PRKG1: variants seen among roughly 807,000 people sequenced by gnomAD.
The protein encoded by PRKG1 is protein kinase cGMP-dependent 1.
In PRKG1, 35 loss-of-function variants were observed where a neutral mutation model predicts 88.1. That is an observed-to-expected ratio of 0.40 (90% confidence interval 0.30 to 0.53). The LOEUF (loss-of-function observed/expected upper bound fraction) is 0.53. Ranked by LOEUF, PRKG1 falls within the 20% of genes least tolerant of loss-of-function variation. The pLI, the probability that PRKG1 is intolerant of heterozygous loss-of-function variation, is 0.59. For missense variants in PRKG1, 540 were observed against 839.8 expected, an observed-to-expected ratio of 0.64 and a Z score of 4.41; for synonymous variants, 303 against 292.5, an observed-to-expected ratio of 1.04 and a Z score of -0.37.
intron 1 of PRKG1, among the ~76,000 whole-genome samples, chr10:51,099,384 G>GACACACACAC (rs71459403): frequency 0.17 from 24,632 of 148,684 alleles, 2,108 homozygotes; most frequent in Admixed American, 0.2. Context: ...CAGCATTCAA[G>GACACACACAC]ACACACACAC....
At chr10:52,124,421 G>T (rs1847886256) in intron 7 of PRKG1, among the ~76,000 whole-genome samples, 1 of 152,114 alleles carries the variant, frequency 6.6e-6, no homozygotes, top group Non-Finnish European at 1.5e-5. Flanking sequence ...CATAGAAAAG[G>T]TAAAGCAAAA....
intron 5 of PRKG1, among the ~76,000 whole-genome samples, chr10:51,963,594 G>A (rs544422870): frequency 6.6e-6 from 1 of 152,002 alleles, no homozygotes; most frequent in African/African-American, 2.4e-5. Context: ...CCGAGTAGCT[G>A]GGACCACCAT....
chr10:52,225,951 C>A (rs1258651602), intron 9 of PRKG1, among the ~76,000 whole-genome samples: 1 of 151,756 alleles, frequency 6.6e-6, no homozygotes, highest in Non-Finnish European at 1.5e-5. Flanking sequence ...TTCTCCACAG[C>A]ACTTACCACA....
At chr10:51,620,266 C>G (rs1222590477) in intron 3 of PRKG1, among the ~76,000 whole-genome samples, 1 of 152,072 alleles carries the variant, frequency 6.6e-6, no homozygotes, top group East Asian at 1.9e-4. Flanking sequence ...AGGATTTCCC[C>G]TAGATTAACT....
intron 2 of PRKG1, among the ~76,000 whole-genome samples, chr10:51,250,154 C>T (rs1001500130): frequency 2.6e-5 from 4 of 151,660 alleles, no homozygotes; most frequent in African/African-American, 9.7e-5. Flanking sequence ...AGCCTTTTGG[C>T]AAAAGACCAA....
At chr10:52,150,761 A>G (rs1910534) in intron 8 of PRKG1, among the ~76,000 whole-genome samples, 105,412 of 152,020 alleles carry the variant, frequency 0.69, 37,116 homozygotes, top group Non-Finnish European at 0.76. Flanking sequence ...TAGATTTATT[A>G]TGCCATTTTA....
At chr10:51,016,673 C>CTTTTTTTTTTTTTTT (rs71029341) in intron 1 of PRKG1, among the ~76,000 whole-genome samples, 646 of 35,126 alleles carry the variant, frequency 0.018, 192 homozygotes, top group Admixed American at 0.025. Flanking sequence ...ATTATCCTTT[C>CTTTTTTTTTTTTTTT]TTTTTTTTTT....
rs1022041447 is a variant in PRKG1, at chr10:51,343,549, A to C, written c.479-124174A>C. On this transcript the variant is annotated intron_variant, in intron 2 of 17. Transcript: ENST00000373980. ...TTATTTGGTATAAAAAGCATATTTA[A>C]TAATATATAATAACATAATTTGGTA... Among the ~76,000 whole-genome samples the C allele has an allele frequency of 2.6e-5, 4 of 152,288 alleles. 1 individual carries two copies. The highest frequency in any genetic ancestry group is 2.1e-4 in the South Asian group (1 of 4,832).
intron 2 of PRKG1, among the ~76,000 whole-genome samples, chr10:51,436,584 T>A (rs1379043847): frequency 1.3e-5 from 2 of 151,890 alleles, no homozygotes; most frequent in African/African-American, 4.8e-5. Flanking sequence ...TCCTAATGAG[T>A]TCTTAAAAGG....
intron 8 of PRKG1, among the ~76,000 whole-genome samples, chr10:52,135,736 G>A (rs1054709301): frequency 6.6e-6 from 1 of 152,036 alleles, no homozygotes; most frequent in South Asian, 2.1e-4. Flanking sequence ...ATACAATATC[G>A]AACACTCAAG....
intron 1 of PRKG1, among the ~76,000 whole-genome samples, chr10:51,032,805 T>C (rs1443703154): frequency 2.0e-5 from 3 of 152,150 alleles, no homozygotes; most frequent in Non-Finnish European, 4.4e-5. Flanking sequence ...TGTGTGCATA[T>C]GTGTGTTTAT....
At chr10:51,592,948 T>G (rs1001941971) in intron 3 of PRKG1, among the ~76,000 whole-genome samples, 1 of 152,226 alleles carries the variant, frequency 6.6e-6, no homozygotes, top group African/African-American at 2.4e-5. Flanking sequence ...TTCTAAACTG[T>G]GATGGCTTTG....
intron 9 of PRKG1, among the ~76,000 whole-genome samples, chr10:52,235,217 A>G (rs1840648613): frequency 1.0e-5 from 1 of 95,986 alleles, no homozygotes; most frequent in Non-Finnish European, 2.1e-5. Context: ...AATCATGCCA[A>G]AATGTAAAGA....
intron 9 of PRKG1, among the ~76,000 whole-genome samples, chr10:52,229,396 C>T (rs1840470730): frequency 6.6e-6 from 1 of 152,306 alleles, no homozygotes; most frequent in East Asian, 1.9e-4. Context: ...TCCTCTGTAC[C>T]TCTGGAACAT....
chr10:51,308,761 A>G (rs1176063619), intron 2 of PRKG1, among the ~76,000 whole-genome samples: 1 of 152,188 alleles, frequency 6.6e-6, no homozygotes, highest in Non-Finnish European at 1.5e-5. Context: ...GCAATTGCAC[A>G]TTTAGGGTAA....
At chr10:51,046,117 G>C (rs554976409) in intron 1 of PRKG1, among the ~76,000 whole-genome samples, 1 of 152,208 alleles carries the variant, frequency 6.6e-6, no homozygotes, top group Non-Finnish European at 1.5e-5. Flanking sequence ...CACAGTAAGA[G>C]CATGTGAAAA....
At chr10:51,528,728 T>A (rs1841944524) in intron 3 of PRKG1, among the ~76,000 whole-genome samples, 3 of 152,100 alleles carry the variant, frequency 2.0e-5, no homozygotes, top group Non-Finnish European at 1.5e-5. Context: ...AGTAAGCCCA[T>A]GTGAGTTACT....
At chr10:51,438,508 G>C (rs187778164) in intron 2 of PRKG1, among the ~76,000 whole-genome samples, 1 of 151,944 alleles carries the variant, frequency 6.6e-6, no homozygotes, top group Admixed American at 6.6e-5. Context: ...GTACTGGTTA[G>C]ATATTTTACA....
chr10:52,107,354 T>C (rs563901713), intron 7 of PRKG1, among the ~76,000 whole-genome samples: 13 of 152,324 alleles, frequency 8.5e-5, no homozygotes, highest in Admixed American at 2.0e-4. Context: ...TGTATTTTAA[T>C]TGCTAAACAA....
Sources: gnomAD v4.1 joint callset for allele counts (sites outside exome capture counted in the v4.1 genomes callset) on GRCh38, gnomAD v4.1.1 for gene constraint, MANE v1.5 for transcripts, NCBI Gene and HGNC (gene_info 2026-07-23, HGNC 2026-07-21) for gene names.